PCDH15: variants seen among roughly 807,000 people sequenced by gnomAD.
PCDH15 encodes the protein protocadherin-15.
Under a neutral mutation model 178.5 loss-of-function variants are expected in PCDH15, and 129 were observed. The observed-to-expected ratio is 0.72, with a 90% CI of 0.63 to 0.84. The LOEUF (loss-of-function observed/expected upper bound fraction) is 0.84. PCDH15 is among the 40% of genes least tolerant of loss of function. The pLI, the probability that PCDH15 is intolerant of heterozygous loss-of-function variation, is 0.00. For synonymous variants in PCDH15, 800 were observed against 732.0 expected (o/e 1.09, Z -1.50); for missense variants, 2,230 against 2,099.9 (o/e 1.06, Z -1.21).
Position 54,402,848 on chromosome 10 carries a change from A to G in PCDH15, c.158-23906T>C, listed in dbSNP as rs193135563. ...CCTCTGTATTCCTTAAGACACAACA[A>G]TATTAAAATTAGACCAATTAATAAC... On this transcript the variant is annotated intron_variant, in intron 3 of 37. Coordinates refer to ENST00000644397, the MANE Select transcript of PCDH15 (RefSeq NM_001384140.1). 5.5e-3 allele frequency among the ~76,000 whole-genome samples: 840 copies of G among 152,072 alleles called. 4 individuals carry two copies. Among genetic ancestry groups the G allele is most frequent in the Non-Finnish European group, 9.4e-3 (642 of 67,964 alleles).
At chr10:54,549,823 G>T (rs958625454) in intron 2 of PCDH15, among the ~76,000 whole-genome samples, 1 of 151,878 alleles carries the variant, frequency 6.6e-6, no homozygotes, top group African/African-American at 2.4e-5. Flanking sequence ...GTACGTCTGC[G>T]ATTTTTTAAT....
At chr10:53,852,722 AC>A (rs2078467596) in intron 28 of PCDH15, among the ~76,000 whole-genome samples, 1 of 151,954 alleles carries the variant, frequency 6.6e-6, no homozygotes, top group South Asian at 2.1e-4. Flanking sequence ...TACCAAGGAA[AC>A]TTTATATTTT....
chr10:55,191,739 G>C (rs1379157012), intron 1 of PCDH15, among the ~76,000 whole-genome samples: 1 of 151,818 alleles, frequency 6.6e-6, no homozygotes, highest in Non-Finnish European at 1.5e-5. Context: ...GCAAACCCAA[G>C]AAGTGACCCA....
In PCDH15 at chr10:54,133,642, G is replaced by A. The variant is rs148472010; in HGVS notation, c.1785-635C>T. Among the ~76,000 whole-genome samples, 537 of 152,150 alleles carry A rather than the reference G, an allele frequency of 3.5e-3. 4 individuals are homozygous for A. Among genetic ancestry groups the A allele is most frequent in the African/African-American group, 0.012 (498 of 41,516 alleles). On this transcript the variant is annotated intron_variant, in intron 14 of 37. Coordinates refer to ENST00000644397, the MANE Select transcript of PCDH15 (RefSeq NM_001384140.1). ...ATAATGACAGGAGCTTTTCTTGAAGGACAAGATACCTTATCATTACAAGGA... is the reference window on the plus strand; with the variant it reads ...ATAATGACAGGAGCTTTTCTTGAAGAACAAGATACCTTATCATTACAAGGA...
chr10:55,090,868 GGCATTCTAAAGACA>G (rs1842299972), intron 2 of PCDH15, among the ~76,000 whole-genome samples: 1 of 151,618 alleles, frequency 6.6e-6, no homozygotes, highest in Non-Finnish European at 1.5e-5. Flanking sequence ...AAGTTGCTAA[GGCATTCTAAAGACA>G]TCATTTTAAC....
chr10:53,973,861 G>C (rs938559801), intron 21 of PCDH15, among the ~76,000 whole-genome samples: 2 of 152,092 alleles, frequency 1.3e-5, no homozygotes, highest in African/African-American at 4.8e-5. Context: ...AAGTAACATA[G>C]TCTCCTTCAG....
At chr10:55,547,963 G>A (rs2132084363) in intron 2 of PCDH15, among the ~76,000 whole-genome samples, 1 of 150,258 alleles carries the variant, frequency 6.7e-6, no homozygotes, top group African/African-American at 2.4e-5. Context: ...CAGGGACAGA[G>A]AAACAGAGAG....
intron 15 of PCDH15, among the ~76,000 whole-genome samples, chr10:54,131,437 T>A (rs999474003): frequency 6.6e-6 from 1 of 152,196 alleles, no homozygotes; most frequent in African/African-American, 2.4e-5. Context: ...ACTATCTTAA[T>A]ATTTGATTTT....
intron 3 of PCDH15, among the ~76,000 whole-genome samples, chr10:54,838,856 C>T (rs933630765): frequency 1.3e-5 from 2 of 152,098 alleles, no homozygotes; most frequent in African/African-American, 4.8e-5. Flanking sequence ...AGAAATCTAT[C>T]CACTGACTCA....
Position 53,809,388 on chromosome 10 carries a change from T to TCTAA in PCDH15, c.4671+1164_4671+1167dup. ...CGATTCCTCTTTTATCAGCTAATCC[T>TCTAA]CTAACTTTCTTAAAAATCATGGGGA... On this transcript the variant is annotated intron_variant, in intron 37 of 37. Coordinates refer to ENST00000644397, the MANE Select transcript of PCDH15 (RefSeq NM_001384140.1). 5.6e-6 allele frequency: 9 copies of TCTAA among 1,614,020 alleles called. No homozygotes were observed. The highest frequency in any genetic ancestry group is 1.3e-5 in the African/African-American group (1 of 75,068).
intron 3 of PCDH15, among the ~76,000 whole-genome samples, chr10:54,451,059 A>T (rs1277120771): frequency 6.6e-6 from 1 of 151,880 alleles, no homozygotes; most frequent in Non-Finnish European, 1.5e-5. Context: ...ATTCTCACAT[A>T]TACAAAAATA....
intron 16 of PCDH15, among the ~76,000 whole-genome samples, chr10:54,081,010 C>T (rs933048200): frequency 6.6e-6 from 1 of 151,894 alleles, no homozygotes; most frequent in Non-Finnish European, 1.5e-5. Flanking sequence ...TTGTTTCTTC[C>T]CTCAGTTAAT....
chr10:54,329,126 T>C (rs748224603), intron 7 of PCDH15, among the ~76,000 whole-genome samples: 11 of 151,418 alleles, frequency 7.3e-5, no homozygotes, highest in Non-Finnish European at 1.6e-4. Flanking sequence ...ATGATAGCCA[T>C]GAGGAAGAAC....
chr10:54,269,558 T>C (rs962227261), intron 8 of PCDH15, among the ~76,000 whole-genome samples: 6 of 152,006 alleles, frequency 3.9e-5, no homozygotes, highest in Non-Finnish European at 7.4e-5. Flanking sequence ...ATGAAATGCA[T>C]TATGAAATAT....
intron 26 of PCDH15, among the ~76,000 whole-genome samples, chr10:53,896,430 TA>T (rs1188853899): frequency 1.3e-5 from 2 of 152,168 alleles, no homozygotes; most frequent in Admixed American, 1.3e-4. Flanking sequence ...TTGAGATATA[TA>T]TTTTTTAATA....
intron 2 of PCDH15, among the ~76,000 whole-genome samples, chr10:55,522,694 G>T (rs1047685541): frequency 6.6e-6 from 1 of 151,654 alleles, no homozygotes; most frequent in African/African-American, 2.4e-5. Flanking sequence ...TTCACTTTCA[G>T]CCTATGTGTG....
chr10:54,556,239 T>A (rs921457154), intron 2 of PCDH15, among the ~76,000 whole-genome samples: 4 of 152,172 alleles, frequency 2.6e-5, no homozygotes. Flanking sequence ...CCCTTTTAGA[T>A]CATAATAGAA....
chr10:54,590,861 C>CA (rs933877015), intron 2 of PCDH15, among the ~76,000 whole-genome samples: 75 of 149,442 alleles, frequency 5.0e-4, no homozygotes, highest in East Asian at 1.4e-3. Flanking sequence ...AACAAGCAAA[C>CA]AAAAAAAAAC....
chr10:55,503,433 G>A (rs943943599), intron 2 of PCDH15, among the ~76,000 whole-genome samples: 4 of 148,540 alleles, frequency 2.7e-5, no homozygotes, highest in Non-Finnish European at 6.0e-5. Flanking sequence ...TAAATATATG[G>A]AATGTTTATT....
Sources: gnomAD v4.1 joint callset for allele counts (sites outside exome capture counted in the v4.1 genomes callset) on GRCh38, gnomAD v4.1.1 for gene constraint, MANE v1.5 for transcripts, NCBI Gene and HGNC (gene_info 2026-07-23, HGNC 2026-07-21) for gene names.